The following CASP2 variants were observed in gnomAD, a reference collection of about 807,000 sequenced individuals.
CASP2 encodes caspase-2.
In CASP2, 38 loss-of-function variants were observed where a neutral mutation model predicts 54.4. The observed-to-expected ratio is 0.70, with a 90% CI of 0.54 to 0.92. The LOEUF (loss-of-function observed/expected upper bound fraction) is 0.92, where lower values mean the gene tolerates loss of function less well. CASP2 is among the 40% of genes least tolerant of loss of function. CASP2 has a pLI of 0.00. For missense variants in CASP2, 512 were observed against 579.6 expected, an observed-to-expected ratio of 0.88 and a Z score of 1.20; for synonymous variants, 215 against 216.3, an observed-to-expected ratio of 0.99 and a Z score of 0.05.
intron 6 of CASP2, chr7:143,298,605 T>G (rs1801825328): frequency 6.6e-6 from 1 of 152,106 alleles, no homozygotes; most frequent in African/African-American, 2.4e-5. Flanking sequence ...TAGGCTGTAG[T>G]GTGCTATGCT....
rs559358465 is a variant in CASP2 at position 143,300,508 on chromosome 7, T to C, written c.967+214T>C. 2.5e-6 allele frequency: 4 copies of C among 1,582,542 alleles called. No individual in the cohort carries two copies. In the South Asian group the frequency reaches 4.5e-5, roughly 18 times the overall value. ...GCCCATGGCTCTCAGGCTGGTCAGCTCTCCGTGCACCACCATATCCTGTTT... is the reference window on the plus strand; with the variant it reads ...GCCCATGGCTCTCAGGCTGGTCAGCCCTCCGTGCACCACCATATCCTGTTT... On this transcript the variant is annotated intron_variant, in intron 8 of 10. Coordinates refer to ENST00000310447, the MANE Select transcript of CASP2 (RefSeq NM_032982.4).
chr7:143,294,739 A>G lies in CASP2; in HGVS notation c.713A>G (p.Tyr238Cys), dbSNP rs1263766668. 1 of 1,614,232 alleles carries G rather than the reference A, an allele frequency of 6.2e-7. No homozygotes were observed. Reference sequence around the variant, plus strand: ...GTCACCCTCTTCAAGCTTTTGGGCTATGACGTCCATGTTCTATGTGACCAG... The same window carrying G: ...GTCACCCTCTTCAAGCTTTTGGGCTGTGACGTCCATGTTCTATGTGACCAG... ...TLVTLFKLLG[Y>C]DVHVLCDQTA... is the part of the protein sequence containing the mutation. The change falls in exon 6 of 11, where the codon TAT becomes TGT. Residue 238 changes from tyrosine (Y) to cysteine (C), a missense_variant. Coordinates refer to ENST00000310447, the MANE Select transcript of CASP2 (RefSeq NM_032982.4).
chr7:143,291,316 A>T (rs949961130), intron 1 of CASP2, among the ~76,000 whole-genome samples: 1 of 152,252 alleles, frequency 6.6e-6, no homozygotes, highest in Admixed American at 6.5e-5. Context: ...TTCATCTCAG[A>T]TGATCTCAGC....
chr7:143,293,657 G>A (rs550041786), intron 4 of CASP2, among the ~76,000 whole-genome samples: 27 of 151,878 alleles, frequency 1.8e-4, no homozygotes, highest in South Asian at 1.5e-3. Context: ...TTACAGGTGC[G>A]TGCCACCATA....
At position 143,306,018 on chromosome 7, in the gene CASP2, A is replaced by G. The variant is rs1407249306; in HGVS notation, c.*947A>G. The G allele has an allele frequency of 6.6e-6, 1 of 151,788 alleles. No homozygotes were observed. The highest frequency in any genetic ancestry group is 2.4e-5 in the African/African-American group (1 of 41,254). 9.4% of individuals were successfully genotyped at this position (151,788 alleles called of 1,614,324 possible). A position where few individuals can be genotyped will look rare whatever the true frequency, so the allele number is the denominator to read the frequency against. On this transcript the variant is annotated 3_prime_UTR_variant, in exon 11 of 11. Transcript: ENST00000310447. ...TCATATCTCTCCCTTCTTTACCTTC[A>G]TTTCATCCTGTTGGCTGCTGCCACC...
chr7:143,291,492 G>T (rs1348498386), intron 1 of CASP2, 48 bp from the exon 2 acceptor site: 2 of 1,588,052 alleles, frequency 1.3e-6, no homozygotes, highest in Non-Finnish European at 1.7e-6. Flanking sequence ...CCACTCTTCT[G>T]TGTCAAATTG....
chr7:143,292,558 T>G (rs1801607598), intron 3 of CASP2, 59 bp from the exon 4 acceptor site: 1 of 1,605,876 alleles, frequency 6.2e-7, no homozygotes, highest in Non-Finnish European at 8.5e-7. Flanking sequence ...TAGATTTTGT[T>G]GTATTTGGAC....
chr7:143,300,749 T>C, intron 8 of CASP2: 2 of 1,189,182 alleles, frequency 1.7e-6, no homozygotes, highest in Non-Finnish European at 2.1e-6. Flanking sequence ...CTTCCATGCT[T>C]GCCTCCTTTC....
chr7:143,288,450 C>A lies in CASP2; in HGVS notation c.-6C>A, dbSNP rs199504713. ...TGCGCAGCGGAGAGCCCGGGAAAAG[C>A]GGGAAATGGCGGCGCCGAGCGCGGG... On this transcript the variant is annotated 5_prime_UTR_variant, in exon 1 of 11. Coordinates refer to ENST00000310447, the MANE Select transcript of CASP2 (RefSeq NM_032982.4). 1.2e-5 allele frequency: 19 copies of A among 1,612,656 alleles called. 1 individual carries two copies. The East Asian group carries it at 2.0e-4, about 17-fold the overall frequency.
At chr7:143,295,097 G>A (rs906727023) in intron 6 of CASP2, among the ~76,000 whole-genome samples, 7 of 151,510 alleles carry the variant, frequency 4.6e-5, no homozygotes, top group African/African-American at 1.7e-4. Context: ...GCACGATCTC[G>A]GCTCACTGCA....
intron 6 of CASP2, chr7:143,298,521 G>A (rs988711061): frequency 1.3e-5 from 2 of 152,184 alleles, no homozygotes; most frequent in African/African-American, 4.8e-5. Context: ...GATTCTCCAG[G>A]CATGGTGGCA....
chr7:143,288,611 C>T (rs1003301368), intron 1 of CASP2, 82 bp downstream of exon 1: 1 of 1,277,034 alleles, frequency 7.8e-7, no homozygotes, highest in East Asian at 2.5e-5. Flanking sequence ...CCCTGCAGCC[C>T]CCTCCCCTCG....
chr7:143,295,429 T>C (rs1315891932), intron 6 of CASP2, among the ~76,000 whole-genome samples: 2 of 152,240 alleles, frequency 1.3e-5, no homozygotes, highest in Non-Finnish European at 2.9e-5. Context: ...GGGCTGTTCG[T>C]CATTAACCTC....
At position 143,300,222 on chromosome 7, in the gene CASP2, C is replaced by T; in HGVS notation, c.895C>T (p.Leu299Phe). ...KLLQLQEVFQLFDNANCPSLQ... is the reference protein window; with the variant it reads ...KLLQLQEVFQFFDNANCPSLQ... ...CTGGCAGCTCCAAGAGGTTTTTCAGCTCTTTGACAACGCCAACTGCCCAAG... is the reference window on the plus strand; with the variant it reads ...CTGGCAGCTCCAAGAGGTTTTTCAGTTCTTTGACAACGCCAACTGCCCAAG... Residue 299 changes from leucine to phenylalanine, a missense_variant, in exon 8 of 11, where the codon CTC (leucine) becomes TTC (phenylalanine). By Grantham distance (22) the Leu-to-Phe change is conservative. Transcript: ENST00000310447. 6.2e-7 allele frequency: 1 copy of T among 1,614,130 alleles called. No individual in the cohort carries two copies. The highest frequency in any genetic ancestry group is 8.5e-7 in the Non-Finnish European group (1 of 1,180,030).
At chr7:143,296,111 G>A (rs1487604633) in intron 6 of CASP2, among the ~76,000 whole-genome samples, 1 of 152,170 alleles carries the variant, frequency 6.6e-6, no homozygotes, top group Non-Finnish European at 1.5e-5. Flanking sequence ...AAAATACTGA[G>A]TCACTAAGTC....
rs758698678 is a variant in CASP2 at position 143,291,525 on chromosome 7, A to G, written c.75-15A>G. On this transcript the variant is annotated splice_polypyrimidine_tract_variant and intron_variant, in intron 1 of 10. Transcript: ENST00000310447. The stretch of plus-strand genomic sequence containing the variant: ...TTGTGACTTGACAGCCTTTCCTTCT[A>G]CCGTTTATCTGTAGGATATTGGGAG... The G allele has an allele frequency of 6.2e-7, 1 of 1,613,742 alleles. No individual in the cohort carries two copies. Among genetic ancestry groups the G allele is most frequent in the Non-Finnish European group, 8.5e-7 (1 of 1,179,794 alleles).
At chr7:143,288,650 T>G in intron 1 of CASP2, 121 bp downstream of exon 1, 21 of 916,260 alleles carry the variant, frequency 2.3e-5, no homozygotes, top group Non-Finnish European at 3.1e-5. Flanking sequence ...GTGTCCGCGC[T>G]TCCTGCCAAG....
chr7:143,288,372 GGGGA>G lies in CASP2; in HGVS notation c.-79_-76del. ...AGGCGCAGTGTGCGTCCGCGTCTGA[GGGGA>G]GGGATGTGGGGGAAGCGACGGCCCC... On this transcript the variant is annotated 5_prime_UTR_variant, in exon 1 of 11. In the 5' UTR this introduces an upstream ATG that the reference lacks. Transcript: ENST00000310447. 7.2e-7 allele frequency: 1 copy of G among 1,382,258 alleles called. No homozygotes were observed. The highest frequency in any genetic ancestry group is 1.0e-6 in the Non-Finnish European group (1 of 984,062). 85.6% of individuals were successfully genotyped at this position (1,382,258 alleles called of 1,614,324 possible). A position where few individuals can be genotyped will look rare whatever the true frequency, so the allele number is the denominator to read the frequency against.
rs1563067110 is a variant in CASP2 at position 143,305,080 on chromosome 7, CCCCAT to C, written c.*11_*15del. On this transcript the variant is annotated 3_prime_UTR_variant, in exon 11 of 11. Transcript: ENST00000310447. ...GACACCCTCCCACATGATGTCACCT[CCCCAT>C]CATCCACGCCAAGTGGAAGCCACTG... The C allele has an allele frequency of 6.2e-7, 1 of 1,614,240 alleles. No individual in the cohort carries two copies.
Sources: gnomAD v4.1 joint callset for allele counts (sites outside exome capture counted in the v4.1 genomes callset) on GRCh38, gnomAD v4.1.1 for gene constraint, MANE v1.5 for transcripts, NCBI Gene and HGNC (gene_info 2026-07-23, HGNC 2026-07-21) for gene names.